The following ZNF554 variants were observed in gnomAD, a reference collection of about 807,000 sequenced individuals.
ZNF554 encodes zinc finger protein 554.
In ZNF554, 15 loss-of-function variants were observed where a neutral mutation model predicts 21.2. That is an observed-to-expected ratio of 0.71 (90% CI 0.47 to 1.09). The LOEUF (loss-of-function observed/expected upper bound fraction) is 1.09, where lower values mean the gene tolerates loss of function less well. Ranked by LOEUF, ZNF554 falls within the 50% of genes least tolerant of loss-of-function variation. The probability of loss-of-function intolerance (pLI) is 0.00; values close to 1 mark genes in which losing one functional copy is unlikely to be tolerated. For synonymous variants in ZNF554, 258 were observed against 251.4 expected (o/e 1.03, Z -0.25); for missense variants, 691 against 662.7 (o/e 1.04, Z -0.47).
At chr19:2,832,552 G>A (rs2087435918) in intron 4 of ZNF554, 58 bp downstream of exon 4, 1 of 1,509,074 alleles carries the variant, frequency 6.6e-7, no homozygotes, top group South Asian at 1.3e-5. Context: ...GGAAACATTG[G>A]TCAGAGAGCT....
chr19:2,822,930 C>T (rs1599542920), intron 1 of ZNF554, 110 bp from the exon 2 acceptor site: 1 of 1,048,532 alleles, frequency 9.5e-7, no homozygotes, highest in Admixed American at 2.2e-5. Flanking sequence ...TTACCTCCCT[C>T]TGTGTATGGG....
chr19:2,820,042 G>A lies in ZNF554; in HGVS notation c.-30G>A, dbSNP rs1353488048. 23 of 1,202,648 alleles carry A rather than the reference G, an allele frequency of 1.9e-5. No homozygotes were observed. The East Asian group carries it at 6.6e-4, about 34-fold the overall frequency. The allele number at this position is 1,202,648 out of a possible 1,614,324, so 74.5% of individuals were successfully genotyped here. On this transcript the variant is annotated 5_prime_UTR_variant, in exon 1 of 5. Transcript: ENST00000317243. The stretch of plus-strand genomic sequence containing the variant: ...TGCACGGGGCGCTCCCGCCTCGGGG[G>A]CCCTGTCTGGCGCCTCAGCGCGCGC...
At chr19:2,828,675 A>G (rs905217707) in intron 3 of ZNF554, among the ~76,000 whole-genome samples, 153 of 61,314 alleles carry the variant, frequency 2.5e-3, no homozygotes, top group African/African-American at 9.4e-3. Flanking sequence ...ACTCCGTCTC[A>G]AGAAAAAAAA....
intron 2 of ZNF554, among the ~76,000 whole-genome samples, chr19:2,823,840 G>C (rs2144804839): frequency 6.6e-6 from 1 of 152,150 alleles, no homozygotes; most frequent in South Asian, 2.1e-4. Context: ...GGAAGTGTGT[G>C]CCGACTGGTT....
rs113099097 is a variant in ZNF554, at chr19:2,821,308, A to C, written c.53+1184A>C. On this transcript the variant is annotated intron_variant, in intron 1 of 4. Transcript: ENST00000317243. The surrounding 1 kb of genome is among the most constrained non-coding windows in gnomAD (Gnocchi z 8.2). ...CTCCATGTTGGCCAGCCAGGCTGGT[A>C]TCGAACTCCTGACCTCAGGTGATCC... Among the ~76,000 whole-genome samples, 1 of 151,656 alleles carries C rather than the reference A, an allele frequency of 6.6e-6. No homozygotes were observed. The highest frequency in any genetic ancestry group is 1.9e-4 in the East Asian group (1 of 5,162).
chr19:2,823,828 G>T (rs1470509353), intron 2 of ZNF554, among the ~76,000 whole-genome samples: 1 of 152,160 alleles, frequency 6.6e-6, no homozygotes, highest in African/African-American at 2.4e-5. Context: ...CCTCAGAGGG[G>T]AGGAAGTGTG....
chr19:2,827,664 G>T lies in ZNF554; in HGVS notation c.174G>T (p.Glu58Asp), dbSNP rs1312514704. Residue 58 changes from glutamate (E) to aspartate (D), a missense_variant, in exon 3 of 5, where the codon GAG becomes GAT. Transcript: ENST00000317243. The stretch of plus-strand genomic sequence containing the variant: ...TGTCCATGGACTTCTCCCAGGAGGA[G>T]TGGGAGTTGCTGGAGCCTGCTCAGA... The part of the protein sequence containing the change: ...EDVSMDFSQE[E>D]WELLEPAQKN... 1.2e-6 allele frequency: 2 copies of T among 1,614,042 alleles called. No individual in the cohort carries two copies. Among genetic ancestry groups the T allele is most frequent in the Non-Finnish European group, 8.5e-7 (1 of 1,179,952 alleles).
intron 2 of ZNF554, among the ~76,000 whole-genome samples, chr19:2,825,025 T>G (rs949336096): frequency 1.6e-4 from 24 of 147,540 alleles, no homozygotes; most frequent in Admixed American, 2.1e-4. Flanking sequence ...TTTTTTTTTT[T>G]TTTTTGAGAC....
intron 2 of ZNF554, among the ~76,000 whole-genome samples, chr19:2,825,252 G>T (rs1444541195): frequency 6.6e-6 from 1 of 151,964 alleles, no homozygotes; most frequent in African/African-American, 2.4e-5. Context: ...GGGTTCAGGT[G>T]ATCCACCCAC....
chr19:2,832,415 AC>A lies in ZNF554; in HGVS notation c.368del (p.Pro123GlnfsTer15), dbSNP rs1568335888. 1 of 1,614,144 alleles carries A rather than the reference AC, an allele frequency of 6.2e-7. No homozygotes were observed. The highest frequency in any genetic ancestry group is 1.1e-5 in the South Asian group (1 of 91,086). ...CATGGACGGGGTATTTACTTTTTCA[AC>A]CAGTGGCTTCTTCCCACTTGGAGCA... Reference protein sequence around the residue: ...SSWTGYLLFQPVASSHLEQRE... With the variant: ...SSWTGYLLFQXVASSHLEQRE... On this transcript the variant is annotated frameshift_variant, in exon 4 of 5. Transcript: ENST00000317243. LOFTEE classifies it high-confidence loss of function.
intron 2 of ZNF554, among the ~76,000 whole-genome samples, chr19:2,825,038 G>A (rs1047381124): frequency 3.0e-5 from 4 of 131,722 alleles, no homozygotes; most frequent in African/African-American, 1.1e-4. Context: ...TTTGAGACAA[G>A]GTCTTGCTCT....
Position 2,832,379 on chromosome 19 carries a change from T to C in ZNF554, c.330T>C (p.Thr110=). 1 of 1,614,194 alleles carries C rather than the reference T, an allele frequency of 6.2e-7. No homozygotes were observed. The highest frequency in any genetic ancestry group is 2.2e-5 in the East Asian group (1 of 44,882). The part of the protein sequence containing the change: ...PLSPAQTSQV[T]SLSSWTGYLL... ...CCCCAGCACAAACCTCACAAGTCAC[T>C]AGTCTTTCCTCATGGACGGGGTATT... Residue 110 remains threonine (T), a synonymous_variant, in exon 4 of 5, where the codon ACT becomes ACC. Coordinates refer to ENST00000317243, the MANE Select transcript of ZNF554 (RefSeq NM_001102651.2).
intron 1 of ZNF554, among the ~76,000 whole-genome samples, chr19:2,822,721 A>G (rs1383783718): frequency 6.6e-6 from 1 of 152,148 alleles, no homozygotes; most frequent in African/African-American, 2.4e-5. Flanking sequence ...TACAGAAAAT[A>G]CAAAAAATTA....
At chr19:2,828,381 G>A (rs756207165) in intron 3 of ZNF554, among the ~76,000 whole-genome samples, 6 of 152,194 alleles carry the variant, frequency 3.9e-5, no homozygotes, top group Non-Finnish European at 5.9e-5. Flanking sequence ...GTCTTAGTCC[G>A]TTTCACACTG....
At chr19:2,829,979 C>T (rs952887302) in intron 3 of ZNF554, among the ~76,000 whole-genome samples, 1 of 151,872 alleles carries the variant, frequency 6.6e-6, no homozygotes, top group Non-Finnish European at 1.5e-5. Context: ...GGCTGGAGTG[C>T]AGTGGCGTGA....
At position 2,827,727 on chromosome 19, in the gene ZNF554, G is replaced by C; in HGVS notation, c.237G>C (p.Arg79Ser). Residue 79 changes from arginine (R) to serine (S), a missense_variant, in exon 3 of 5, where the codon AGG (arginine) becomes AGC (serine). Transcript: ENST00000317243. ...GAGAGGTGATGCTGGAGAACTACAG[G>C]AACGTGGTCTCCCTGGGTAAGGCAA... is the stretch of plus-strand genomic sequence containing the variant. ...LYREVMLENY[R>S]NVVSLEALKN... The C allele has an allele frequency of 6.2e-7, 1 of 1,613,864 alleles. No individual in the cohort carries two copies. Among genetic ancestry groups the C allele is most frequent in the Non-Finnish European group, 8.5e-7 (1 of 1,179,906 alleles).
chr19:2,822,077 G>A (rs1487967578), intron 1 of ZNF554, among the ~76,000 whole-genome samples: 1 of 152,056 alleles, frequency 6.6e-6, no homozygotes, highest in Non-Finnish European at 1.5e-5. Flanking sequence ...TTGAGATAGA[G>A]TCTTGCTCCA....
rs1568331729 is a variant in ZNF554 at position 2,823,074 on chromosome 19, G to A, written c.88G>A (p.Glu30Lys). 7 of 1,613,618 alleles carry A rather than the reference G, an allele frequency of 4.3e-6. No homozygotes were observed. The highest frequency in any genetic ancestry group is 2.5e-6 in the Non-Finnish European group (3 of 1,179,620). ...ACPGTCFSQE[E>K]RMAAGYLPRW... ...CCCAGGAACCTGCTTTTCCCAAGAG[G>A]AGAGAATGGCTGCTGGGTACCTGCC... Residue 30 changes from glutamate (E) to lysine (K), a missense_variant, in exon 2 of 5, where the codon GAG (glutamate) becomes AAG (lysine). Coordinates refer to ENST00000317243, the MANE Select transcript of ZNF554 (RefSeq NM_001102651.2).
At chr19:2,820,185 G>C in intron 1 of ZNF554, 61 bp downstream of exon 1, 2 of 1,205,200 alleles carry the variant, frequency 1.7e-6, no homozygotes, top group Non-Finnish European at 2.1e-6. Context: ...GCTCTGGTGG[G>C]GCTGGGTCTG....
Sources: gnomAD v4.1 joint callset for allele counts (sites outside exome capture counted in the v4.1 genomes callset) on GRCh38, gnomAD v4.1.1 for gene constraint, Gnocchi (gnomAD v3.1) non-coding constraint, MANE v1.5 for transcripts, NCBI Gene and HGNC (gene_info 2026-07-23, HGNC 2026-07-21) for gene names.